The following OCM variants were observed in gnomAD, a reference collection of about 807,000 sequenced individuals.
OCM encodes oncomodulin-1.
Under a neutral mutation model 14.1 loss-of-function variants are expected in OCM, and 18 were observed. That is an observed-to-expected ratio of 1.28 (90% CI 0.88 to 1.89). OCM has a LOEUF of 1.89. Among genes scored for constraint, OCM ranks in the 40% most tolerant of loss-of-function variants. OCM has a pLI of 0.00. For synonymous variants in OCM, 48 were observed against 51.0 expected, an observed-to-expected ratio of 0.94 and a Z score of 0.25; for missense variants, 140 against 137.6, an observed-to-expected ratio of 1.02 and a Z score of -0.09.
chr7:5,871,072 C>T, the OCM span, among the ~76,000 whole-genome samples: 9 of 151,870 alleles, frequency 5.9e-5, no homozygotes, highest in East Asian at 1.2e-3. Context: ...GAAAGCCAGG[C>T]GCAGTGGCTC....
the OCM span, among the ~76,000 whole-genome samples, chr7:5,873,593 C>T: frequency 6.6e-6 from 1 of 152,018 alleles, no homozygotes; most frequent in Non-Finnish European, 1.5e-5. Flanking sequence ...AATGCTCCTG[C>T]CTCAGCCTCC....
At chr7:5,861,491 C>A in the OCM span, among the ~76,000 whole-genome samples, 1,263 of 151,808 alleles carry the variant, frequency 8.3e-3, 12 homozygotes, top group Non-Finnish European at 0.013. Context: ...ATGTGATAGA[C>A]ACTTCCACTG....
chr7:5,867,641 A>G, the OCM span, among the ~76,000 whole-genome samples: 1 of 151,826 alleles, frequency 6.6e-6, no homozygotes, highest in Non-Finnish European at 1.5e-5. Flanking sequence ...GGCCACTTGA[A>G]GTTGTCCAGT....
the OCM span, among the ~76,000 whole-genome samples, chr7:5,866,606 G>C: frequency 2.6e-5 from 4 of 152,168 alleles, no homozygotes; most frequent in Non-Finnish European, 5.9e-5. Flanking sequence ...CAAATGTGTT[G>C]TTTGATTTTC....
At chr7:5,878,726 G>A (rs373559839), upstream of OCM, among the ~76,000 whole-genome samples, 27 of 150,280 alleles carry the variant, frequency 1.8e-4, 2 homozygotes, top group African/African-American at 6.6e-4. Flanking sequence ...CAGCCTGGGC[G>A]ACAGAATTGA....
At chr7:5,867,007 G>C in the OCM span, among the ~76,000 whole-genome samples, 1 of 152,140 alleles carries the variant, frequency 6.6e-6, no homozygotes, top group African/African-American at 2.4e-5. Context: ...AAGTAGACTT[G>C]TAGACTATCC....
the OCM span, among the ~76,000 whole-genome samples, chr7:5,860,852 A>G: frequency 1.4e-5 from 2 of 139,314 alleles, no homozygotes; most frequent in East Asian, 2.0e-4. Context: ...ACACATACAT[A>G]TACATATACA....
At chr7:5,862,063 A>C in the OCM span, among the ~76,000 whole-genome samples, 1 of 152,096 alleles carries the variant, frequency 6.6e-6, no homozygotes, top group African/African-American at 2.4e-5. Flanking sequence ...CTGGGCCCTC[A>C]CAGTGGCTTT....
At chr7:5,885,741 G>T (rs1029917640) in intron 3 of OCM, among the ~76,000 whole-genome samples, 41 of 151,820 alleles carry the variant, frequency 2.7e-4, no homozygotes, top group African/African-American at 9.7e-4. Context: ...CTCCCAAGTA[G>T]CTGGGACTAC....
At chr7:5,862,453 A>G in the OCM span, among the ~76,000 whole-genome samples, 1 of 152,138 alleles carries the variant, frequency 6.6e-6, no homozygotes, top group African/African-American at 2.4e-5. Context: ...AACTAGCCCT[A>G]AAAGCAAGTT....
In OCM at chr7:5,880,932, G is replaced by C; in HGVS notation, c.43G>C (p.Ala15Pro). The change falls in exon 1 of 4, where the codon GCG becomes CCG. Residue 15 changes from alanine (A) to proline (P), a missense_variant. Transcript: ENST00000242104. The part of the protein sequence containing the change: ...DVLSADDIAA[A>P]LQECRDPDTF... ...GCTCAGTGCTGACGACATTGCAGCA[G>C]CGCTCCAGGAATGCCGAGGTAGAGG... is the stretch of plus-strand genomic sequence containing the variant. 6.2e-7 allele frequency: 1 copy of C among 1,613,984 alleles called. No individual in the cohort carries two copies. Among genetic ancestry groups the C allele is most frequent in the Non-Finnish European group, 8.5e-7 (1 of 1,179,952 alleles).
chr7:5,877,327 G>GT (rs1684546226), upstream of OCM, among the ~76,000 whole-genome samples: 1 of 151,414 alleles, frequency 6.6e-6, no homozygotes, highest in South Asian at 2.1e-4. Context: ...AATTAGCCAG[G>GT]TGTGGTGGTG....
chr7:5,860,813 C>T, the OCM span, among the ~76,000 whole-genome samples: 2 of 145,318 alleles, frequency 1.4e-5, no homozygotes, highest in African/African-American at 5.1e-5. Flanking sequence ...CACATACACA[C>T]ATACATATAT....
At chr7:5,872,482 T>G in the OCM span, among the ~76,000 whole-genome samples, 2 of 152,142 alleles carry the variant, frequency 1.3e-5, no homozygotes, top group East Asian at 3.9e-4. Context: ...TAACTCTGGA[T>G]CCCACCCCAT....
At chr7:5,883,559 C>T (rs1355915219) in intron 2 of OCM, among the ~76,000 whole-genome samples, 1 of 151,660 alleles carries the variant, frequency 6.6e-6, no homozygotes, top group Non-Finnish European at 1.5e-5. Context: ...TGGTGGGGTG[C>T]ACCTGTAGTC....
Position 5,881,629 on chromosome 7 carries a change from C to T in OCM, c.61+679C>T, listed in dbSNP as rs191128077. Among the ~76,000 whole-genome samples the T allele has an allele frequency of 2.4e-4, 35 of 148,738 alleles. No homozygotes were observed. The East Asian group carries it at 3.3e-3, about 14-fold the overall frequency. The stretch of plus-strand genomic sequence containing the variant: ...TGGACGACAGAGTGAGACTCTGGCT[C>T]TAAATAAATAAATAAATAAATAAAT... On this transcript the variant is annotated intron_variant, in intron 1 of 3. Coordinates refer to ENST00000242104, the MANE Select transcript of OCM (RefSeq NM_001097622.2).
the OCM span, among the ~76,000 whole-genome samples, chr7:5,863,094 G>A: frequency 1.3e-5 from 2 of 152,136 alleles, no homozygotes; most frequent in East Asian, 3.8e-4. Context: ...TAGATTTCCT[G>A]AGCTGGAGAG....
At chr7:5,871,175 C>A in the OCM span, among the ~76,000 whole-genome samples, 242 of 139,434 alleles carry the variant, frequency 1.7e-3, 1 homozygote, top group African/African-American at 5.9e-3. Flanking sequence ...AGTGAGAGCC[C>A]CCCCCCCGTC....
chr7:5,879,941 T>C (rs1781175358), upstream of OCM: 1 of 152,170 alleles, frequency 6.6e-6, no homozygotes, highest in South Asian at 2.1e-4. Context: ...TGATTCTTCC[T>C]GGGGGGAAAC....
Sources: gnomAD v4.1 joint callset for allele counts (sites outside exome capture counted in the v4.1 genomes callset) on GRCh38, gnomAD v4.1.1 for gene constraint, MANE v1.5 for transcripts, NCBI Gene and HGNC (gene_info 2026-07-23, HGNC 2026-07-21) for gene names.